KCNH5: variants seen among roughly 807,000 people sequenced by gnomAD.
KCNH5 encodes the protein voltage-gated delayed rectifier potassium channel KCNH5.
In KCNH5, 46 loss-of-function variants were observed where a neutral mutation model predicts 96.1. That is an observed-to-expected ratio of 0.48 (90% CI 0.38 to 0.61). KCNH5 has a LOEUF of 0.61. Among genes scored for constraint, KCNH5 ranks in the 20% least tolerant of loss-of-function variants. The pLI, the probability that KCNH5 is intolerant of heterozygous loss-of-function variation, is 0.00. For missense variants in KCNH5, 907 were observed against 1,225.8 expected (o/e 0.74, Z 3.88); for synonymous variants, 439 against 449.8 (o/e 0.98, Z 0.30).
chr14:63,031,126 A>T (rs1296184506), intron 1 of KCNH5, among the ~76,000 whole-genome samples: 2 of 152,000 alleles, frequency 1.3e-5, no homozygotes, highest in Non-Finnish European at 2.9e-5. Context: ...AGTATCTAGT[A>T]GGGGGAAAAG....
At chr14:62,857,649 A>G (rs1322871215) in intron 7 of KCNH5, among the ~76,000 whole-genome samples, 3 of 152,150 alleles carry the variant, frequency 2.0e-5, no homozygotes. Flanking sequence ...CTGGGAGGCT[A>G]GGCCAGTCTA....
At chr14:62,935,520 T>C (rs982733917) in intron 7 of KCNH5, among the ~76,000 whole-genome samples, 1 of 152,164 alleles carries the variant, frequency 6.6e-6, no homozygotes, top group African/African-American at 2.4e-5. Flanking sequence ...AGGGAAAAGG[T>C]GGTGTGAATT....
chr14:62,748,816 ACTTGT>A (rs1165053202), intron 10 of KCNH5, among the ~76,000 whole-genome samples: 3 of 152,150 alleles, frequency 2.0e-5, no homozygotes, highest in African/African-American at 7.2e-5. Flanking sequence ...TGTTGAATGA[ACTTGT>A]CTTGTATTCC....
chr14:62,838,033 C>G (rs1887499503), intron 8 of KCNH5, among the ~76,000 whole-genome samples: 1 of 152,122 alleles, frequency 6.6e-6, no homozygotes, highest in South Asian at 2.1e-4. Context: ...AAGTTTGATA[C>G]AAGGGTTACA....
At chr14:62,973,486 G>A (rs529732304) in intron 6 of KCNH5, among the ~76,000 whole-genome samples, 14 of 152,228 alleles carry the variant, frequency 9.2e-5, no homozygotes, top group Non-Finnish European at 1.5e-4. Context: ...TTGCAGAAGC[G>A]GTGTGCTGTC....
chr14:62,886,153 CACACACAAG>C (rs1245044429), intron 7 of KCNH5, among the ~76,000 whole-genome samples: 1 of 114,076 alleles, frequency 8.8e-6, no homozygotes, highest in East Asian at 3.1e-4. Flanking sequence ...CACACACACA[CACACACAAG>C]AATATCACTC....
intron 2 of KCNH5, among the ~76,000 whole-genome samples, chr14:63,008,907 A>T (rs1891175031): frequency 6.6e-6 from 1 of 152,146 alleles, no homozygotes; most frequent in Admixed American, 6.5e-5. Context: ...TAATATTTTT[A>T]TAGACAAGTG....
At chr14:62,887,449 T>C (rs1888619756) in intron 7 of KCNH5, among the ~76,000 whole-genome samples, 1 of 152,130 alleles carries the variant, frequency 6.6e-6, no homozygotes, top group Non-Finnish European at 1.5e-5. Flanking sequence ...AAGAAAAAAG[T>C]AAGAACAAAT....
Position 62,779,939 on chromosome 14 carries a change from A to G in KCNH5, c.1823-15T>C, listed in dbSNP as rs1404328777. ...ATCACCCTTCCCTAGAAAACAGTAT[A>G]AGATACATATTCAAGTATCTAACAC... On this transcript the variant is annotated splice_polypyrimidine_tract_variant and intron_variant, in intron 9 of 10. Transcript: ENST00000322893. 6.3e-7 allele frequency: 1 copy of G among 1,597,278 alleles called. No homozygotes were observed. The highest frequency in any genetic ancestry group is 8.6e-7 in the Non-Finnish European group (1 of 1,169,476).
intron 10 of KCNH5, among the ~76,000 whole-genome samples, chr14:62,764,351 T>C (rs777317960): frequency 1.3e-5 from 2 of 152,064 alleles, no homozygotes; most frequent in Non-Finnish European, 2.9e-5. Context: ...CTCAACAAAC[T>C]AGACATTAAA....
chr14:62,997,636 T>C (rs959590855), intron 4 of KCNH5, among the ~76,000 whole-genome samples: 7 of 151,970 alleles, frequency 4.6e-5, no homozygotes, highest in African/African-American at 1.7e-4. Context: ...TGAATCTATA[T>C]TCATGAAAAA....
At chr14:62,834,666 C>T (rs1887429736) in intron 8 of KCNH5, among the ~76,000 whole-genome samples, 1 of 151,822 alleles carries the variant, frequency 6.6e-6, no homozygotes, top group South Asian at 2.1e-4. Flanking sequence ...ACTCTGAAGG[C>T]CAAATTGGAC....
intron 2 of KCNH5, among the ~76,000 whole-genome samples, chr14:63,013,519 C>T (rs1375636924): frequency 6.6e-6 from 1 of 152,010 alleles, no homozygotes; most frequent in Non-Finnish European, 1.5e-5. Context: ...TCAGTAATTC[C>T]ACACACTATA....
chr14:62,711,768 A>T (rs567887015), intron 10 of KCNH5, among the ~76,000 whole-genome samples: 1 of 152,212 alleles, frequency 6.6e-6, no homozygotes, highest in South Asian at 2.1e-4. Context: ...CACTGAACGT[A>T]CTCATTTGTG....
intron 3 of KCNH5, among the ~76,000 whole-genome samples, chr14:63,003,727 C>A (rs1352767612): frequency 6.8e-6 from 1 of 147,576 alleles, no homozygotes; most frequent in African/African-American, 2.5e-5. Context: ...TCATGCCATT[C>A]TCCTGCCTCA....
At chr14:62,930,365 T>C (rs1005621713) in intron 7 of KCNH5, among the ~76,000 whole-genome samples, 1 of 152,104 alleles carries the variant, frequency 6.6e-6, no homozygotes, top group Non-Finnish European at 1.5e-5. Context: ...AAATTCCACG[T>C]ACCACAACAG....
intron 8 of KCNH5, among the ~76,000 whole-genome samples, chr14:62,830,908 C>G (rs561034757): frequency 4.6e-5 from 7 of 152,210 alleles, no homozygotes; most frequent in Admixed American, 3.3e-4. Flanking sequence ...GGTTCCTTAT[C>G]TAAAACATTT....
chr14:62,926,586 T>G (rs1889480426), intron 7 of KCNH5, among the ~76,000 whole-genome samples: 1 of 152,080 alleles, frequency 6.6e-6, no homozygotes, highest in African/African-American at 2.4e-5. Context: ...AAGTCTGAGA[T>G]CAGGGTGCCA....
At chr14:62,801,921 G>A (rs560871224) in intron 9 of KCNH5, among the ~76,000 whole-genome samples, 2 of 152,130 alleles carry the variant, frequency 1.3e-5, no homozygotes, top group South Asian at 4.2e-4. Flanking sequence ...AGCTTCTCTG[G>A]ACCTCACTTG....
Sources: gnomAD v4.1 joint callset for allele counts (sites outside exome capture counted in the v4.1 genomes callset) on GRCh38, gnomAD v4.1.1 for gene constraint, MANE v1.5 for transcripts, NCBI Gene and HGNC (gene_info 2026-07-23, HGNC 2026-07-21) for gene names.